Variants in WWTR1 observed in about 807,000 individuals in gnomAD.
WWTR1 encodes the protein WW domain-containing transcription regulator protein 1.
In WWTR1, 13 loss-of-function variants were observed where a neutral mutation model predicts 40.1. The ratio of observed to expected loss-of-function variants is 0.32; its 90% CI spans 0.21 to 0.52. The LOEUF is 0.52. WWTR1 is among the 20% of genes least tolerant of loss of function. WWTR1 has a pLI of 0.97. For synonymous variants in WWTR1, 230 were observed against 210.1 expected (o/e 1.09, Z -0.82); for missense variants, 436 against 523.1 (o/e 0.83, Z 1.63).
intron 4 of WWTR1, 54 bp downstream of exon 4, chr3:149,542,280 TC>T: frequency 6.4e-7 from 1 of 1,571,716 alleles, no homozygotes; most frequent in Non-Finnish European, 8.6e-7. Flanking sequence ...TACCTACCCA[TC>T]AGCTTTGGCA....
At chr3:149,539,586 C>T (rs1415663064) in intron 4 of WWTR1, among the ~76,000 whole-genome samples, 3 of 152,160 alleles carry the variant, frequency 2.0e-5, no homozygotes, top group Non-Finnish European at 4.4e-5. Flanking sequence ...CTACCCAGGA[C>T]ATAGGGGTAG....
In WWTR1 at chr3:149,551,252, C is replaced by T. The variant is rs1049991077; in HGVS notation, c.569-8715G>A. Reference sequence around the variant, plus strand: ...GCAGGAGGTTGCGGTGAGCCAAGACCACGCCATTGCTCTCCAGCCTGGGCA... The same window carrying T: ...GCAGGAGGTTGCGGTGAGCCAAGACTACGCCATTGCTCTCCAGCCTGGGCA... On this transcript the variant is annotated intron_variant, in intron 3 of 6. Coordinates refer to ENST00000360632, the MANE Select transcript of WWTR1 (RefSeq NM_015472.6). Among the ~76,000 whole-genome samples, 31 of 144,080 alleles carry T rather than the reference C, an allele frequency of 2.2e-4. 3 individuals carry two copies. The highest frequency in any genetic ancestry group is 3.0e-5 in the Non-Finnish European group (2 of 65,960). The allele number at this position is 144,080 out of a possible 152,430, so 94.5% of individuals were successfully genotyped here.
At chr3:149,540,079 TACACACACACACACACAC>T (rs202144589) in intron 4 of WWTR1, 16 of 272,022 alleles carry the variant, frequency 5.9e-5, no homozygotes, top group Admixed American at 1.2e-4. Flanking sequence ...TCCTCCTAAC[TACACACACACACACACAC>T]ACACACACAC....
chr3:149,612,576 T>A (rs1458750839), intron 2 of WWTR1, among the ~76,000 whole-genome samples: 1 of 152,170 alleles, frequency 6.6e-6, no homozygotes, highest in Non-Finnish European at 1.5e-5. Context: ...AATAATATTT[T>A]CTTTTCAGGG....
At chr3:149,528,557 C>T (rs1447416772) in intron 4 of WWTR1, among the ~76,000 whole-genome samples, 1 of 152,020 alleles carries the variant, frequency 6.6e-6, no homozygotes, top group African/African-American at 2.4e-5. Context: ...TTTGGGAGGT[C>T]GAGGTGGGCG....
In WWTR1 at chr3:149,663,612, C is replaced by A. The variant is rs530656821; in HGVS notation, c.-4+6176G>T. Among the ~76,000 whole-genome samples, 5 of 152,162 alleles carry A rather than the reference C, an allele frequency of 3.3e-5. No homozygotes were observed. The South Asian group carries it at 1.0e-3, about 32-fold the overall frequency. On this transcript the variant is annotated intron_variant, in intron 2 of 7. Transcript: ENST00000465804. The stretch of plus-strand genomic sequence containing the variant: ...TCGGGAGGCTGAGGCAGGAGAATTG[C>A]TTGAACCCAGGAGGCGGAGGCTGCA...
chr3:149,714,039 C>G (rs779836305), intron 5 of WWTR1, among the ~76,000 whole-genome samples: 1 of 152,222 alleles, frequency 6.6e-6, no homozygotes, highest in South Asian at 2.1e-4. Context: ...TGGCAGCCGC[C>G]GTGATGGGGC....
intron 2 of WWTR1, among the ~76,000 whole-genome samples, chr3:149,623,660 T>C (rs1740418293): frequency 6.6e-6 from 1 of 152,362 alleles, no homozygotes; most frequent in African/African-American, 2.4e-5. Context: ...AGAAATACTT[T>C]CTATGGGTAA....
chr3:149,657,808 G>A lies in WWTR1; in HGVS notation c.-47C>T. ...TGAGCCTGAGCGCGCGGCGGCCGCC[G>A]TCCCGCCCGAACTTGCCGTCGGGCC... On this transcript the variant is annotated 5_prime_UTR_variant, in exon 1 of 7. It adds an upstream start codon to the 5' untranslated region. Transcript: ENST00000360632. 1 of 156,592 alleles carries A rather than the reference G, an allele frequency of 6.4e-6. No homozygotes were observed. Among genetic ancestry groups the A allele is most frequent in the Non-Finnish European group, 1.4e-5 (1 of 71,218 alleles). 9.7% of individuals were successfully genotyped at this position (156,592 alleles called of 1,614,324 possible). A position where few individuals can be genotyped will look rare whatever the true frequency, so the allele number is the denominator to read the frequency against.
chr3:149,722,346 T>G (rs1045816350), intron 4 of WWTR1, among the ~76,000 whole-genome samples: 2 of 152,106 alleles, frequency 1.3e-5, no homozygotes, highest in African/African-American at 4.8e-5. Flanking sequence ...GTTGTTGATT[T>G]AAGACATTTA....
At chr3:149,644,731 T>C (rs1363355470) in intron 2 of WWTR1, among the ~76,000 whole-genome samples, 2 of 152,190 alleles carry the variant, frequency 1.3e-5, no homozygotes, top group Non-Finnish European at 2.9e-5. Context: ...TAATAAATCC[T>C]TGGAAGATAA....
In WWTR1 at chr3:149,565,595, A is replaced by G. The variant is rs193116932; in HGVS notation, c.568+7269T>C. Among the ~76,000 whole-genome samples, 482 of 152,276 alleles carry G rather than the reference A, an allele frequency of 3.2e-3. 2 individuals are homozygous for G. Among genetic ancestry groups the G allele is most frequent in the African/African-American group, 0.011 (465 of 41,544 alleles). ...TCAGTCTCATTTCACATATTCCTTA[A>G]AAACCGTAAAAGAAAGGAACTATAA... On this transcript the variant is annotated intron_variant, in intron 3 of 6. Transcript: ENST00000360632.
chr3:149,675,109 C>A (rs1185869721), intron 1 of WWTR1, among the ~76,000 whole-genome samples: 1 of 152,174 alleles, frequency 6.6e-6, no homozygotes, highest in Non-Finnish European at 1.5e-5. Flanking sequence ...TTTTGATTTT[C>A]CCCTTTTTTC....
chr3:149,566,917 GGTAA>G (rs1195425675), intron 3 of WWTR1, among the ~76,000 whole-genome samples: 12 of 152,198 alleles, frequency 7.9e-5, no homozygotes, highest in Admixed American at 3.3e-4. Flanking sequence ...TCTTCAAAGG[GGTAA>G]GTAAGTGCGT....
At chr3:149,671,170 T>C (rs1373095392) in intron 1 of WWTR1, among the ~76,000 whole-genome samples, 1 of 151,814 alleles carries the variant, frequency 6.6e-6, no homozygotes, top group Admixed American at 6.6e-5. Flanking sequence ...GGGAACACTT[T>C]TGAAAGGAAG....
intron 2 of WWTR1, among the ~76,000 whole-genome samples, chr3:149,588,054 G>C (rs1444879624): frequency 6.6e-6 from 1 of 152,196 alleles, no homozygotes. Flanking sequence ...AGAGATGGTT[G>C]TTGCTTTGGA....
intron 2 of WWTR1, among the ~76,000 whole-genome samples, chr3:149,631,620 T>C (rs1711552841): frequency 6.6e-6 from 1 of 152,162 alleles, no homozygotes; most frequent in African/African-American, 2.4e-5. Flanking sequence ...GCATCCTCCT[T>C]GCCTATCCCA....
At chr3:149,637,726 C>T (rs912730924) in intron 2 of WWTR1, among the ~76,000 whole-genome samples, 1 of 152,086 alleles carries the variant, frequency 6.6e-6, no homozygotes, top group African/African-American at 2.4e-5. Context: ...CAAATTACCC[C>T]AATAGATCAA....
chr3:149,568,556 A>AAAAAAAAAAAAAAAC (rs1560064535), intron 3 of WWTR1, among the ~76,000 whole-genome samples: 1 of 138,562 alleles, frequency 7.2e-6, no homozygotes. Flanking sequence ...AAAAAAAAAA[A>AAAAAAAAAAAAAAAC]AAAACCATAT....
Sources: allele counts gnomAD v4.1 joint callset (sites outside exome capture counted in the v4.1 genomes callset), GRCh38; gene constraint gnomAD v4.1.1; transcripts MANE v1.5; gene names NCBI Gene and HGNC (gene_info 2026-07-23, HGNC 2026-07-21).